DPH6: variants seen among roughly 807,000 people sequenced by gnomAD.
DPH6 encodes diphthine--ammonia ligase.
In DPH6, 33 loss-of-function variants were observed where a neutral mutation model predicts 38.2. The observed-to-expected ratio is 0.86, with a 90% confidence interval of 0.65 to 1.15. The LOEUF (loss-of-function observed/expected upper bound fraction) is 1.15, where lower values mean the gene tolerates loss of function less well. Ranked by LOEUF, DPH6 falls within the 50% of genes most tolerant of loss-of-function variation. The pLI is 0.00. For synonymous variants in DPH6, 108 were observed against 103.0 expected (o/e 1.05, Z -0.30); for missense variants, 325 against 320.0 (o/e 1.02, Z -0.12).
At chr15:35,306,222 T>C (rs2052089554) in intron 3 of DPH6, among the ~76,000 whole-genome samples, 6 of 152,252 alleles carry the variant, frequency 3.9e-5, no homozygotes. Flanking sequence ...TCCTGTATCT[T>C]TGGAAGTGAG....
At chr15:35,217,151 C>A (rs955791136), downstream of DPH6, among the ~76,000 whole-genome samples, 2 of 152,128 alleles carry the variant, frequency 1.3e-5, no homozygotes, top group African/African-American at 4.8e-5. Flanking sequence ...AAAATGCTAA[C>A]AAATGTAACT....
chr15:35,527,408 A>C (rs2055020300), intron 3 of DPH6, among the ~76,000 whole-genome samples: 1 of 152,216 alleles, frequency 6.6e-6, no homozygotes, highest in African/African-American at 2.4e-5. Context: ...TAGGAGCTGT[A>C]TGGAGTCTCA....
At chr15:35,267,611 A>C (rs1006128801) in intron 3 of DPH6, among the ~76,000 whole-genome samples, 1 of 152,210 alleles carries the variant, frequency 6.6e-6, no homozygotes, top group Non-Finnish European at 1.5e-5. Flanking sequence ...AGCTATGTTT[A>C]GGCCTAAACT....
the DPH6 span, among the ~76,000 whole-genome samples, chr15:35,189,261 T>C: frequency 6.6e-6 from 1 of 152,238 alleles, no homozygotes; most frequent in Non-Finnish European, 1.5e-5. Context: ...TTTTCTCACA[T>C]TCCTTTAGCT....
At chr15:35,508,566 A>G (rs1044646450) in intron 3 of DPH6, among the ~76,000 whole-genome samples, 1 of 152,120 alleles carries the variant, frequency 6.6e-6, no homozygotes, top group Non-Finnish European at 1.5e-5. Context: ...TTTATATCAT[A>G]AAAATACAAA....
At chr15:35,369,119 T>C (rs2052687639), downstream of DPH6, among the ~76,000 whole-genome samples, 1 of 151,602 alleles carries the variant, frequency 6.6e-6, no homozygotes, top group South Asian at 2.1e-4. Context: ...CATATGACCA[T>C]TATAGGGGAA....
chr15:35,157,615 G>A, the DPH6 span, among the ~76,000 whole-genome samples: 3 of 151,934 alleles, frequency 2.0e-5, no homozygotes, highest in African/African-American at 7.3e-5. Flanking sequence ...CTGCCCACAT[G>A]CCTGGTGTTG....
chr15:35,270,143 A>C (rs1422787937), intron 3 of DPH6, among the ~76,000 whole-genome samples: 1 of 152,242 alleles, frequency 6.6e-6, no homozygotes, highest in African/African-American at 2.4e-5. Flanking sequence ...ACTGAAATGT[A>C]AGATGCAATC....
At chr15:35,265,617 C>T (rs549370278) in intron 3 of DPH6, among the ~76,000 whole-genome samples, 2 of 152,180 alleles carry the variant, frequency 1.3e-5, no homozygotes, top group East Asian at 3.9e-4. Context: ...CATTTCTCTG[C>T]CTTTAAAAAA....
At chr15:35,183,677 G>C in the DPH6 span, among the ~76,000 whole-genome samples, 1 of 152,096 alleles carries the variant, frequency 6.6e-6, no homozygotes, top group East Asian at 1.9e-4. Flanking sequence ...TAGCATGATT[G>C]TTACACAACA....
chr15:35,540,392 C>T (rs559715544), intron 2 of DPH6, among the ~76,000 whole-genome samples: 33 of 152,094 alleles, frequency 2.2e-4, no homozygotes, highest in Non-Finnish European at 3.7e-4. Flanking sequence ...ATTGAAAACC[C>T]GTAACTTTGC....
chr15:35,366,099 A>G, downstream of DPH6: 1 of 880,702 alleles, frequency 1.1e-6, no homozygotes, highest in Non-Finnish European at 1.4e-6. Context: ...TGTAGGTTGT[A>G]TAGAGGCAGT....
rs2051940397 is a variant in DPH6, at chr15:35,285,886, T to TTTTTTTTTTTTTTTTTTTTTTTTC, written n.201-65305_201-65304insGAAAAAAAAAAAAAAAAAAAAAAA. 1.4e-5 allele frequency among the ~76,000 whole-genome samples: 2 copies of TTTTTTTTTTTTTTTTTTTTTTTTC among 142,980 alleles called. 1 individual carries two copies. Among genetic ancestry groups the TTTTTTTTTTTTTTTTTTTTTTTTC allele is most frequent in the Non-Finnish European group, 3.0e-5 (2 of 65,920 alleles). 93.8% of individuals were successfully genotyped at this position (142,980 alleles called of 152,430 possible). On this transcript the variant is annotated intron_variant and non_coding_transcript_variant, in intron 3 of 3. Transcript: ENST00000560386. ...TTTATCTTTGAGTTTTTTTTTTTTT[T>TTTTTTTTTTTTTTTTTTTTTTTTC]TTTACCTGAGACCACTTGTTCACTA...
At chr15:35,381,614 A>G (rs970114186) in intron 7 of DPH6, among the ~76,000 whole-genome samples, 2 of 152,206 alleles carry the variant, frequency 1.3e-5, no homozygotes, top group African/African-American at 4.8e-5. Flanking sequence ...ATGTCTAAAA[A>G]GTTTATAGCC....
At chr15:35,489,256 G>A in intron 3 of DPH6, 1 of 832,736 alleles carries the variant, frequency 1.2e-6, no homozygotes, top group Non-Finnish European at 1.4e-6. Context: ...CATGTGATCT[G>A]GGGATCTGGG....
exon 4 of DPH6, chr15:35,219,183 A>G (rs2051427793): frequency 6.6e-6 from 1 of 152,198 alleles, no homozygotes; most frequent in African/African-American, 2.4e-5. Flanking sequence ...TAGAGTAGGT[A>G]AACAGCCTCT....
chr15:35,174,318 T>C, the DPH6 span, among the ~76,000 whole-genome samples: 1 of 152,228 alleles, frequency 6.6e-6, no homozygotes, highest in South Asian at 2.1e-4. Flanking sequence ...GGGAATTTGA[T>C]GAGTAGACAT....
At chr15:35,458,819 T>G (rs1217944728) in intron 3 of DPH6, among the ~76,000 whole-genome samples, 1 of 152,186 alleles carries the variant, frequency 6.6e-6, no homozygotes, top group Admixed American at 6.5e-5. Flanking sequence ...TGCATACAGT[T>G]AAAATACATA....
intron 3 of DPH6, among the ~76,000 whole-genome samples, chr15:35,275,048 G>A (rs1462743054): frequency 9.9e-5 from 15 of 151,934 alleles, no homozygotes; most frequent in Non-Finnish European, 2.1e-4. Flanking sequence ...CTGAGTAGCT[G>A]GGACTACAGG....
Sources: allele counts gnomAD v4.1 joint callset (sites outside exome capture counted in the v4.1 genomes callset), GRCh38; gene constraint gnomAD v4.1.1; transcripts MANE v1.5; gene names NCBI Gene and HGNC (gene_info 2026-07-23, HGNC 2026-07-21).